USP28: variants seen among roughly 807,000 people sequenced by gnomAD.
USP28 encodes the protein ubiquitin specific peptidase 28, also known as ubiquitin carboxyl-terminal hydrolase 28.
A neutral mutation model predicts 145.0 loss-of-function variants in USP28; 113 were observed. That is an observed-to-expected ratio of 0.78 (90% CI 0.67 to 0.91). The LOEUF (loss-of-function observed/expected upper bound fraction) is 0.91, where lower values mean the gene tolerates loss of function less well. Ranked by LOEUF, USP28 falls within the 40% of genes least tolerant of loss-of-function variation. USP28 has a pLI of 0.00. For synonymous variants in USP28, 447 were observed against 450.9 expected (o/e 0.99, Z 0.11); for missense variants, 1,201 against 1,289.6 (o/e 0.93, Z 1.05).
At chr11:113,839,146 GTA>G (rs1480160825) in intron 5 of USP28, among the ~76,000 whole-genome samples, 3 of 152,182 alleles carry the variant, frequency 2.0e-5, no homozygotes, top group Non-Finnish European at 2.9e-5. Context: ...TGCCTACATG[GTA>G]TCTCCTTAAA....
chr11:113,804,563 T>G, intron 21 of USP28, 110 bp downstream of exon 22: 1 of 919,722 alleles, frequency 1.1e-6, no homozygotes, highest in Non-Finnish European at 1.6e-6. Flanking sequence ...GAGGGGAAAG[T>G]GGAAGAACAA....
chr11:113,829,302 A>G (rs200091056), exon 10 of USP28: 13 of 1,614,178 alleles, frequency 8.1e-6, no homozygotes, highest in African/African-American at 1.3e-5. Context: ...CGTTTACCTG[A>G]AGAGGATACT....
chr11:113,839,561 A>G (rs534997993), intron 5 of USP28, among the ~76,000 whole-genome samples: 2 of 152,260 alleles, frequency 1.3e-5, no homozygotes, highest in African/African-American at 2.4e-5. Context: ...TCTCAAATGA[A>G]TAACTAAATA....
Position 113,823,885 on chromosome 11 carries a change from C to A in USP28, c.1188-185G>T, listed in dbSNP as rs2135742721. 2.6e-5 allele frequency among the ~76,000 whole-genome samples: 4 copies of A among 152,120 alleles called. No individual in the cohort carries two copies. In the Middle Eastern group the frequency reaches 0.014, roughly 521 times the overall value. ...CCCCTAAAATCAGGAACAAGGATAC[C>A]CACTCTTGCTACTTCTATTAAATAC... On this transcript the variant is annotated intron_variant, in intron 11 of 24. Coordinates refer to ENST00000003302, the Ensembl canonical transcript of USP28.
intron 3 of USP28, among the ~76,000 whole-genome samples, chr11:113,844,574 T>C (rs1289936452): frequency 6.6e-6 from 1 of 152,066 alleles, no homozygotes; most frequent in Non-Finnish European, 1.5e-5. Context: ...ACACAAATAG[T>C]GATTTCAAAA....
At chr11:113,860,640 T>C (rs765720212) in intron 1 of USP28, among the ~76,000 whole-genome samples, 1 of 150,866 alleles carries the variant, frequency 6.6e-6, no homozygotes, top group Non-Finnish European at 1.5e-5. Flanking sequence ...TGAAACCCCA[T>C]CTCTACTAAA....
chr11:113,802,312 T>C (rs1939175824), intron 23 of USP28, among the ~76,000 whole-genome samples: 1 of 152,266 alleles, frequency 6.6e-6, no homozygotes, highest in South Asian at 2.1e-4. Context: ...AAAGTGGCCC[T>C]GCCACACCTA....
Position 113,809,256 on chromosome 11 carries a change from T to C in USP28, c.1973-2A>G, listed in dbSNP as rs1940563296. 6.2e-7 allele frequency: 1 copy of C among 1,612,510 alleles called. No individual in the cohort carries two copies. The highest frequency in any genetic ancestry group is 1.7e-5 in the Admixed American group (1 of 59,880). Reference sequence around the variant, plus strand: ...GATCTGATTCAGTTGGGGCTGCCTCTGAGGAAAAGCAAAGATAGAGTTAAA... The same window carrying C: ...GATCTGATTCAGTTGGGGCTGCCTCCGAGGAAAAGCAAAGATAGAGTTAAA... On this transcript the variant is annotated splice_acceptor_variant, in intron 16 of 24. Coordinates refer to ENST00000003302, the Ensembl canonical transcript of USP28. LOFTEE classifies it high-confidence loss of function.
intron 1 of USP28, among the ~76,000 whole-genome samples, chr11:113,867,133 C>CA (rs1313265684): frequency 6.6e-6 from 1 of 152,128 alleles, no homozygotes; most frequent in Non-Finnish European, 1.5e-5. Context: ...GGGTGGAGGG[C>CA]ATGGGGGAAT....
exon 20 of USP28, chr11:113,805,007 T>C: frequency 6.2e-7 from 1 of 1,614,132 alleles, no homozygotes; most frequent in Non-Finnish European, 8.5e-7. Flanking sequence ...GGGGTCTCTT[T>C]GGCAAGCTGA....
intron 10 of USP28, chr11:113,828,799 A>C (rs544798114): frequency 2.8e-6 from 1 of 361,548 alleles, no homozygotes; most frequent in Non-Finnish European, 5.4e-6. Flanking sequence ...TTTACAATTG[A>C]GAACAGTAAA....
At chr11:113,803,167 T>C (rs1362699073) in exon 23 of USP28, 1 of 1,613,610 alleles carries the variant, frequency 6.2e-7, no homozygotes, top group Non-Finnish European at 8.5e-7. Context: ...CCAGAAGGCA[T>C]TTTCTTCGGT....
intron 12 of USP28, among the ~76,000 whole-genome samples, chr11:113,820,098 A>C (rs932261616): frequency 6.6e-6 from 1 of 152,222 alleles, no homozygotes; most frequent in African/African-American, 2.4e-5. Context: ...TTCACCAAAA[A>C]AATTTGCAAC....
intron 2 of USP28, among the ~76,000 whole-genome samples, chr11:113,852,929 C>T (rs887037559): frequency 6.6e-6 from 1 of 152,052 alleles, no homozygotes; most frequent in Non-Finnish European, 1.5e-5. Context: ...TTTCTCTGAA[C>T]AGTCTAAAGC....
chr11:113,872,743 C>T (rs1948956747), intron 1 of USP28, among the ~76,000 whole-genome samples: 1 of 152,134 alleles, frequency 6.6e-6, no homozygotes, highest in African/African-American at 2.4e-5. Context: ...TTATAAGAAC[C>T]AAACTGACTT....
At chr11:113,824,948 AAAG>A (rs1350316299) in intron 11 of USP28, among the ~76,000 whole-genome samples, 56 of 151,060 alleles carry the variant, frequency 3.7e-4, no homozygotes, top group Non-Finnish European at 5.9e-4. Flanking sequence ...AAAAAAAAAA[AAAG>A]ATGTCAATTT....
At chr11:113,866,246 C>G (rs1315219566) in intron 1 of USP28, among the ~76,000 whole-genome samples, 1 of 152,100 alleles carries the variant, frequency 6.6e-6, no homozygotes, top group Non-Finnish European at 1.5e-5. Context: ...GAGCCGAGAT[C>G]AGACCACTGC....
intron 3 of USP28, among the ~76,000 whole-genome samples, chr11:113,843,761 G>A (rs192365011): frequency 2.4e-4 from 36 of 151,694 alleles, no homozygotes; most frequent in South Asian, 6.3e-4. Context: ...ACTGTGTGCT[G>A]CTGGCATAAG....
intron 14 of USP28, 88 bp downstream of exon 14, chr11:113,815,086 G>T: frequency 8.7e-7 from 1 of 1,143,678 alleles, no homozygotes; most frequent in Non-Finnish European, 1.3e-6. Flanking sequence ...GTACAGTAAT[G>T]TCAGGAAGTG....
Sources: allele counts gnomAD v4.1 joint callset (sites outside exome capture counted in the v4.1 genomes callset), GRCh38; gene constraint gnomAD v4.1.1; transcripts MANE v1.5; gene names NCBI Gene and HGNC (gene_info 2026-07-23, HGNC 2026-07-21).